CEP85L: variants seen among roughly 807,000 people sequenced by gnomAD.
CEP85L encodes centrosomal protein of 85 kDa-like.
Under a neutral mutation model 100.3 loss-of-function variants are expected in CEP85L, and 60 were observed. The observed-to-expected ratio is 0.60, with a 90% CI of 0.49 to 0.74. The LOEUF (loss-of-function observed/expected upper bound fraction) is 0.74, where lower values mean the gene tolerates loss of function less well. Among genes scored for constraint, CEP85L ranks in the 30% least tolerant of loss-of-function variants. The pLI is 0.00. For synonymous variants in CEP85L, 319 were observed against 322.7 expected (o/e 0.99, Z 0.12); for missense variants, 973 against 936.2 (o/e 1.04, Z -0.51).
intron 2 of CEP85L, among the ~76,000 whole-genome samples, chr6:118,614,865 C>CAGACAGATAGAT (rs781072805): frequency 1.1e-4 from 16 of 149,974 alleles, no homozygotes; most frequent in African/African-American, 1.5e-4. Flanking sequence ...GACAGACAGA[C>CAGACAGATAGAT]AGATAGATAG....
chr6:118,503,445 G>A (rs780730909), intron 5 of CEP85L, among the ~76,000 whole-genome samples: 9 of 152,072 alleles, frequency 5.9e-5, no homozygotes, highest in Non-Finnish European at 1.2e-4. Context: ...CTGATTCTAA[G>A]TTTATATGAA....
At chr6:118,503,609 A>G (rs1775448749) in intron 5 of CEP85L, among the ~76,000 whole-genome samples, 2 of 152,204 alleles carry the variant, frequency 1.3e-5, no homozygotes, top group African/African-American at 4.8e-5. Context: ...AATACAACAA[A>G]ATAGAGAGTC....
At chr6:118,700,726 G>A (rs1441676117) in intron 1 of CEP85L, among the ~76,000 whole-genome samples, 1 of 152,188 alleles carries the variant, frequency 6.6e-6, no homozygotes, top group Non-Finnish European at 1.5e-5. Flanking sequence ...TTGCGAAACT[G>A]TTCCCTAGAC....
chr6:118,702,375 G>GCTACT (rs1406473215), intron 1 of CEP85L, among the ~76,000 whole-genome samples: 20 of 152,032 alleles, frequency 1.3e-4, no homozygotes, highest in Admixed American at 1.3e-4. Context: ...AGCCAGGCGT[G>GCTACT]GTGATATGCA....
At chr6:118,547,147 A>G (rs1245357670) in intron 3 of CEP85L, among the ~76,000 whole-genome samples, 2 of 152,136 alleles carry the variant, frequency 1.3e-5, no homozygotes, top group Non-Finnish European at 2.9e-5. Flanking sequence ...CTCTAAAATT[A>G]AAGAAGAGAT....
At chr6:118,548,824 C>T (rs1002959778) in intron 3 of CEP85L, among the ~76,000 whole-genome samples, 1 of 152,000 alleles carries the variant, frequency 6.6e-6, no homozygotes, top group Non-Finnish European at 1.5e-5. Context: ...TACATCTGAA[C>T]TAATATGAAT....
At chr6:118,695,058 T>C (rs72962938) in intron 1 of CEP85L, among the ~76,000 whole-genome samples, 45,634 of 152,116 alleles carry the variant, frequency 0.3, 7,521 homozygotes, top group Non-Finnish European at 0.37. Flanking sequence ...CCATACTCTT[T>C]CCTTCTAATC....
intron 2 of CEP85L, among the ~76,000 whole-genome samples, chr6:118,606,784 C>T (rs567246135): frequency 6.6e-6 from 1 of 152,202 alleles, no homozygotes; most frequent in Non-Finnish European, 1.5e-5. Flanking sequence ...TACCCCTCAA[C>T]ACAGAAAAAC....
At chr6:118,689,226 A>T (rs966077716) in intron 1 of CEP85L, among the ~76,000 whole-genome samples, 1 of 152,250 alleles carries the variant, frequency 6.6e-6, no homozygotes, top group Admixed American at 6.5e-5. Flanking sequence ...CATTAAAAAA[A>T]TTTGTAAAAT....
At chr6:118,636,384 G>A (rs1392422530) in intron 1 of CEP85L, among the ~76,000 whole-genome samples, 2 of 149,638 alleles carry the variant, frequency 1.3e-5, no homozygotes, top group Admixed American at 6.6e-5. Context: ...GGATTACAAA[G>A]ACAAATAAAT....
chr6:118,627,880 T>G (rs1773904481), intron 2 of CEP85L, among the ~76,000 whole-genome samples: 1 of 152,074 alleles, frequency 6.6e-6, no homozygotes, highest in Admixed American at 6.6e-5. Flanking sequence ...AATAACCAAC[T>G]CCAGTCAATT....
chr6:118,682,373 G>A (rs1488583292), intron 1 of CEP85L, among the ~76,000 whole-genome samples: 2 of 152,214 alleles, frequency 1.3e-5, no homozygotes, highest in Admixed American at 6.5e-5. Context: ...AGTGGCAGCA[G>A]TTTATAAATA....
At chr6:118,563,377 T>A (rs976055537) in intron 3 of CEP85L, among the ~76,000 whole-genome samples, 2 of 152,108 alleles carry the variant, frequency 1.3e-5, no homozygotes, top group African/African-American at 4.8e-5. Context: ...GCTGTGAGAA[T>A]CAAATGAGAT....
At chr6:118,550,862 A>C (rs968579362) in intron 3 of CEP85L, among the ~76,000 whole-genome samples, 5 of 151,946 alleles carry the variant, frequency 3.3e-5, no homozygotes, top group African/African-American at 1.2e-4. Flanking sequence ...ATAGCATTAC[A>C]TTCTTAATAG....
intron 1 of CEP85L, among the ~76,000 whole-genome samples, chr6:118,691,141 G>C (rs1304310286): frequency 1.6e-5 from 1 of 62,584 alleles, no homozygotes; most frequent in African/African-American, 5.7e-5. Flanking sequence ...GAGGCCAGGC[G>C]TGGTGGCTCA....
intron 2 of CEP85L, among the ~76,000 whole-genome samples, chr6:118,600,222 TGGAAA>T (rs1781657609): frequency 6.7e-6 from 1 of 148,438 alleles, no homozygotes; most frequent in South Asian, 2.1e-4. Context: ...GAACAGAATA[TGGAAA>T]GAAGAAAATT....
At chr6:118,561,508 T>C (rs564579063) in intron 3 of CEP85L, among the ~76,000 whole-genome samples, 4 of 152,246 alleles carry the variant, frequency 2.6e-5, no homozygotes, top group South Asian at 2.1e-4. Flanking sequence ...AAGAATAAGA[T>C]ATAAGAAAAC....
intron 2 of CEP85L, among the ~76,000 whole-genome samples, chr6:118,606,960 C>T (rs1772265888): frequency 6.6e-6 from 1 of 152,006 alleles, no homozygotes; most frequent in African/African-American, 2.4e-5. Context: ...GTAAGAAATT[C>T]TTACTCTTTT....
At chr6:118,556,400 CA>C (rs1372972643) in intron 3 of CEP85L, among the ~76,000 whole-genome samples, 1 of 152,154 alleles carries the variant, frequency 6.6e-6, no homozygotes, top group Non-Finnish European at 1.5e-5. Flanking sequence ...GACAGAGTCT[CA>C]AGCCAAAAAT....
Sources: gnomAD v4.1 joint callset for allele counts (sites outside exome capture counted in the v4.1 genomes callset) on GRCh38, gnomAD v4.1.1 for gene constraint, MANE v1.5 for transcripts, NCBI Gene and HGNC (gene_info 2026-07-23, HGNC 2026-07-21) for gene names.